CMSS1: variants seen among roughly 807,000 people sequenced by gnomAD.
CMSS1 encodes the protein cms1 ribosomal small subunit homolog, also known as protein CMSS1.
Under a neutral mutation model 43.5 loss-of-function variants are expected in CMSS1, and 33 were observed. The ratio of observed to expected loss-of-function variants is 0.76; its 90% CI spans 0.57 to 1.01. The LOEUF (loss-of-function observed/expected upper bound fraction) is 1.01. Ranked by LOEUF, CMSS1 falls within the 50% of genes least tolerant of loss-of-function variation. The probability of loss-of-function intolerance (pLI) is 0.00; values close to 1 mark genes in which losing one functional copy is unlikely to be tolerated. For missense variants in CMSS1, 313 were observed against 326.4 expected (o/e 0.96, Z 0.32); for synonymous variants, 115 against 117.2 (o/e 0.98, Z 0.12).
intron 1 of CMSS1, among the ~76,000 whole-genome samples, chr3:100,080,721 C>A (rs1273649554): frequency 6.6e-6 from 1 of 152,186 alleles, no homozygotes; most frequent in Non-Finnish European, 1.5e-5. Context: ...ATTTCTTGGT[C>A]ATATCAGCTA....
intron 1 of CMSS1, among the ~76,000 whole-genome samples, chr3:100,007,914 A>G (rs992346426): frequency 6.6e-6 from 1 of 152,168 alleles, no homozygotes; most frequent in African/African-American, 2.4e-5. Context: ...TGCATTGCAT[A>G]TAGTTACTAG....
chr3:99,958,824 A>G (rs114432017), intron 1 of CMSS1, among the ~76,000 whole-genome samples: 129 of 152,310 alleles, frequency 8.5e-4, no homozygotes, highest in African/African-American at 2.8e-3. Flanking sequence ...AGATGTCAAA[A>G]TGAACTGGAG....
intron 1 of CMSS1, among the ~76,000 whole-genome samples, chr3:99,968,920 AG>A: frequency 6.6e-6 from 1 of 152,180 alleles, no homozygotes; most frequent in East Asian, 1.9e-4. Flanking sequence ...TTAGAAGAGA[AG>A]GAAGGGTATG....
chr3:100,027,342 ATGTT>A (rs1167912915), intron 1 of CMSS1, among the ~76,000 whole-genome samples: 3 of 152,144 alleles, frequency 2.0e-5, no homozygotes, highest in Non-Finnish European at 4.4e-5. Flanking sequence ...TGTTCAATAA[ATGTT>A]TGATGAATGA....
chr3:100,150,764 T>C (rs1304221154), intron 2 of CMSS1, among the ~76,000 whole-genome samples: 1 of 152,222 alleles, frequency 6.6e-6, no homozygotes, highest in Non-Finnish European at 1.5e-5. Flanking sequence ...AAATGATGAA[T>C]TCCCTACTCC....
chr3:99,840,221 C>CTTTTTTTTTTTTTT (rs10935982), intron 1 of CMSS1, among the ~76,000 whole-genome samples: 1 of 102,144 alleles, frequency 9.8e-6, no homozygotes, highest in Non-Finnish European at 1.9e-5. Context: ...TTCGTAGAAT[C>CTTTTTTTTTTTTTT]TTTTTTTTTT....
Position 100,160,363 on chromosome 3 carries a change from G to C in CMSS1, c.154-67G>C, listed in dbSNP as rs560112602. The C allele has an allele frequency of 1.0e-3, 817 of 780,814 alleles. 8 individuals are homozygous for C. The South Asian group carries it at 0.012, about 12-fold the overall frequency. The allele number at this position is 780,814 out of a possible 1,614,324, so 48.4% of individuals were successfully genotyped here. On this transcript the variant is annotated intron_variant, in intron 2 of 9. Transcript: ENST00000421999. ...CATGCATGGCAGAAAGTACTTTGGGGTTCATGCCACTAATTGACACTTTAT... is the reference window on the plus strand; with the variant it reads ...CATGCATGGCAGAAAGTACTTTGGGCTTCATGCCACTAATTGACACTTTAT...
intron 1 of CMSS1, among the ~76,000 whole-genome samples, chr3:99,915,152 A>G (rs1706912043): frequency 6.6e-6 from 1 of 152,058 alleles, no homozygotes; most frequent in Non-Finnish European, 1.5e-5. Flanking sequence ...TCCTCATCAA[A>G]ATGGGCTTGT....
intron 1 of CMSS1, among the ~76,000 whole-genome samples, chr3:100,131,726 G>T (rs982768344): frequency 5.9e-5 from 9 of 152,178 alleles, no homozygotes; most frequent in African/African-American, 2.2e-4. Context: ...ATAACTTAAG[G>T]TGTGGTAGCA....
At chr3:99,946,845 G>T (rs1417006379) in intron 1 of CMSS1, among the ~76,000 whole-genome samples, 1 of 152,032 alleles carries the variant, frequency 6.6e-6, no homozygotes, top group African/African-American at 2.4e-5. Flanking sequence ...GTACCAAATT[G>T]CCAATAGGCA....
intron 1 of CMSS1, among the ~76,000 whole-genome samples, chr3:100,054,154 T>A (rs1377070391): frequency 6.6e-6 from 1 of 152,234 alleles, no homozygotes. Flanking sequence ...TTTAAATCCC[T>A]TCCTTAACCA....
intron 1 of CMSS1, among the ~76,000 whole-genome samples, chr3:99,975,581 G>A (rs1460313884): frequency 2.0e-5 from 3 of 149,992 alleles, no homozygotes; most frequent in South Asian, 2.1e-4. Context: ...ATGAGACTCC[G>A]TCTCAAAAAA....
At chr3:100,110,824 A>G (rs1305621176) in intron 1 of CMSS1, among the ~76,000 whole-genome samples, 1 of 152,126 alleles carries the variant, frequency 6.6e-6, no homozygotes, top group Non-Finnish European at 1.5e-5. Context: ...TTGCACCAGA[A>G]GCAGGATCTG....
chr3:100,163,776 T>C (rs1003678299), intron 4 of CMSS1, among the ~76,000 whole-genome samples: 2 of 152,172 alleles, frequency 1.3e-5, no homozygotes, highest in African/African-American at 4.8e-5. Flanking sequence ...TGGGAGGAAA[T>C]AGATGTTGTC....
intron 1 of CMSS1, among the ~76,000 whole-genome samples, chr3:99,919,588 A>G (rs1284371695): frequency 1.3e-5 from 2 of 152,012 alleles, no homozygotes; most frequent in African/African-American, 4.8e-5. Context: ...GAGGTTTCCA[A>G]ATCCTCTAGA....
At chr3:100,135,457 T>C (rs1480954910) in intron 1 of CMSS1, among the ~76,000 whole-genome samples, 2 of 148,466 alleles carry the variant, frequency 1.3e-5, no homozygotes, top group African/African-American at 5.1e-5. Flanking sequence ...TGTGTGTGTG[T>C]GTGTGTGTGT....
intron 2 of CMSS1, chr3:100,159,963 A>G (rs1439568476): frequency 4.4e-6 from 2 of 455,992 alleles, no homozygotes; most frequent in African/African-American, 4.0e-5. Flanking sequence ...TATTGAAAAG[A>G]GGAAAGGAAT....
chr3:99,884,096 G>A (rs996968091), intron 1 of CMSS1, among the ~76,000 whole-genome samples: 1 of 152,180 alleles, frequency 6.6e-6, no homozygotes, highest in African/African-American at 2.4e-5. Context: ...TATCTAGTTA[G>A]CAGCCCTTAT....
At chr3:100,081,043 G>T (rs1452811585) in intron 1 of CMSS1, among the ~76,000 whole-genome samples, 1 of 152,132 alleles carries the variant, frequency 6.6e-6, no homozygotes, top group Non-Finnish European at 1.5e-5. Flanking sequence ...TAATGAAGGT[G>T]TTATTTTAGA....
Sources: gnomAD v4.1 joint callset for allele counts (sites outside exome capture counted in the v4.1 genomes callset) on GRCh38, gnomAD v4.1.1 for gene constraint, MANE v1.5 for transcripts, NCBI Gene and HGNC (gene_info 2026-07-23, HGNC 2026-07-21) for gene names.